The following PEX5L variants were observed in gnomAD, a reference collection of about 807,000 sequenced individuals.
The protein encoded by PEX5L is peroxisomal biogenesis factor 5 like, also known as PEX5-related protein.
A neutral mutation model predicts 84.0 loss-of-function variants in PEX5L; 30 were observed. The ratio of observed to expected loss-of-function variants is 0.36; its 90% CI spans 0.27 to 0.48. The LOEUF (loss-of-function observed/expected upper bound fraction) is 0.48. PEX5L is among the 20% of genes least tolerant of loss of function. The pLI, the probability that PEX5L is intolerant of heterozygous loss-of-function variation, is 0.99. For missense variants in PEX5L, 533 were observed against 754.6 expected (o/e 0.71, Z 3.44); for synonymous variants, 270 against 283.1 (o/e 0.95, Z 0.46).
intron 7 of PEX5L, among the ~76,000 whole-genome samples, chr3:179,860,463 A>G (rs1301141146): frequency 4.6e-5 from 7 of 152,150 alleles, no homozygotes; most frequent in Non-Finnish European, 8.8e-5. Flanking sequence ...CCTGGGCCCC[A>G]CCCCAACCAA....
At chr3:180,015,927 AAGT>A (rs1311787024) in intron 1 of PEX5L, among the ~76,000 whole-genome samples, 7 of 150,142 alleles carry the variant, frequency 4.7e-5, no homozygotes, top group South Asian at 2.1e-4. Context: ...AAAAGTGTAA[AAGT>A]AGGATGAATA....
At chr3:179,988,651 G>A (rs1787098870) in intron 1 of PEX5L, among the ~76,000 whole-genome samples, 1 of 152,182 alleles carries the variant, frequency 6.6e-6, no homozygotes, top group Non-Finnish European at 1.5e-5. Flanking sequence ...GAAATTGGAT[G>A]TGTAAATACG....
intron 2 of PEX5L, among the ~76,000 whole-genome samples, chr3:179,947,637 A>AT (rs982290901): frequency 1.4e-4 from 21 of 152,054 alleles, no homozygotes; most frequent in African/African-American, 4.3e-4. Context: ...AGTAAATAGC[A>AT]TTTTTTTAAC....
At chr3:179,872,729 C>T (rs1750801002) in intron 7 of PEX5L, among the ~76,000 whole-genome samples, 1 of 152,198 alleles carries the variant, frequency 6.6e-6, no homozygotes, top group Non-Finnish European at 1.5e-5. Flanking sequence ...CCAAGTCTCA[C>T]CTGCTTTAGA....
intron 5 of PEX5L, among the ~76,000 whole-genome samples, chr3:179,879,434 A>C (rs1200788224): frequency 6.6e-6 from 1 of 152,200 alleles, no homozygotes; most frequent in Non-Finnish European, 1.5e-5. Context: ...ATTTAATGAG[A>C]TAATATATGT....
intron 2 of PEX5L, among the ~76,000 whole-genome samples, chr3:179,909,575 C>T (rs1037463824): frequency 6.6e-6 from 1 of 152,136 alleles, no homozygotes; most frequent in African/African-American, 2.4e-5. Flanking sequence ...AAACCAGTTT[C>T]TAATGATTTG....
At chr3:179,925,962 C>T (rs935576535) in intron 2 of PEX5L, among the ~76,000 whole-genome samples, 4 of 152,172 alleles carry the variant, frequency 2.6e-5, no homozygotes, top group Non-Finnish European at 5.9e-5. Flanking sequence ...TTACTCCACA[C>T]ATGGCTTTAC....
At chr3:179,910,279 G>A (rs1232292509) in intron 2 of PEX5L, among the ~76,000 whole-genome samples, 1 of 152,216 alleles carries the variant, frequency 6.6e-6, no homozygotes, top group East Asian at 1.9e-4. Context: ...AGTGCCAGCA[G>A]AGCTGTGCTT....
intron 2 of PEX5L, among the ~76,000 whole-genome samples, chr3:179,913,713 C>T (rs1335111114): frequency 6.6e-6 from 1 of 151,888 alleles, no homozygotes; most frequent in African/African-American, 2.4e-5. Context: ...TTTTTTGCTA[C>T]AAGAATAAAA....
chr3:179,878,553 G>A (rs934617785), intron 5 of PEX5L, among the ~76,000 whole-genome samples: 6 of 152,116 alleles, frequency 3.9e-5, no homozygotes, highest in African/African-American at 1.4e-4. Flanking sequence ...ACTGAAATAC[G>A]TATATTTACT....
intron 4 of PEX5L, among the ~76,000 whole-genome samples, chr3:179,886,325 A>C (rs1460852598): frequency 6.6e-6 from 1 of 152,174 alleles, no homozygotes; most frequent in East Asian, 1.9e-4. Context: ...TCCTACCTAG[A>C]ATTTGCCAAG....
Position 179,814,409 on chromosome 3 carries a change from G to T in PEX5L, c.1083+1452C>A, listed in dbSNP as rs77981437. Among the ~76,000 whole-genome samples, 1,208 of 152,250 alleles carry T rather than the reference G, an allele frequency of 7.9e-3. 11 individuals are homozygous for T. Among genetic ancestry groups the T allele is most frequent in the Non-Finnish European group, 0.013 (908 of 68,014 alleles). ...AGATGAGGAAACTGAAACTTAGAGG[G>T]TTTAACTGATTTGCCCCAGGTCCCA... On this transcript the variant is annotated intron_variant, in intron 10 of 14. Transcript: ENST00000467460.
intron 1 of PEX5L, among the ~76,000 whole-genome samples, chr3:180,018,671 G>C (rs778525149): frequency 6.6e-6 from 1 of 152,072 alleles, no homozygotes; most frequent in Non-Finnish European, 1.5e-5. Flanking sequence ...TAGGAGAGTG[G>C]GTGCTGCTCT....
chr3:180,023,777 G>C (rs902923664), intron 1 of PEX5L, among the ~76,000 whole-genome samples: 15 of 102,858 alleles, frequency 1.5e-4, no homozygotes, highest in Admixed American at 3.2e-4. Flanking sequence ...CACACAGAGA[G>C]AGAGAGAGAG....
intron 3 of PEX5L, among the ~76,000 whole-genome samples, chr3:179,895,234 T>C (rs1758870087): frequency 6.6e-6 from 1 of 152,134 alleles, no homozygotes; most frequent in Non-Finnish European, 1.5e-5. Flanking sequence ...GTTAATGTGA[T>C]AGTTTACACT....
chr3:180,007,199 C>T (rs139736190), intron 1 of PEX5L, among the ~76,000 whole-genome samples: 26 of 152,264 alleles, frequency 1.7e-4, no homozygotes, highest in East Asian at 1.3e-3. Flanking sequence ...CCAAAACGAA[C>T]GGGTAACAGG....
At chr3:179,907,214 A>G (rs1325935471) in intron 2 of PEX5L, among the ~76,000 whole-genome samples, 1 of 150,440 alleles carries the variant, frequency 6.6e-6, no homozygotes, top group Non-Finnish European at 1.5e-5. Context: ...TACCAAATTA[A>G]AAAAAAAAGT....
At chr3:179,924,634 T>A (rs1237159154) in intron 2 of PEX5L, among the ~76,000 whole-genome samples, 1 of 152,154 alleles carries the variant, frequency 6.6e-6, no homozygotes, top group East Asian at 1.9e-4. Flanking sequence ...GCTGTTCTTA[T>A]TAAGCCCTGA....
At chr3:179,844,693 G>A (rs371910329) in intron 8 of PEX5L, among the ~76,000 whole-genome samples, 1 of 152,260 alleles carries the variant, frequency 6.6e-6, no homozygotes, top group African/African-American at 2.4e-5. Flanking sequence ...AGCTGGGCTT[G>A]GTGGCAGGCG....
Sources: gnomAD v4.1 joint callset for allele counts (sites outside exome capture counted in the v4.1 genomes callset) on GRCh38, gnomAD v4.1.1 for gene constraint, MANE v1.5 for transcripts, NCBI Gene and HGNC (gene_info 2026-07-23, HGNC 2026-07-21) for gene names.